Variants in ATP10B observed in about 807,000 individuals in gnomAD.
ATP10B encodes the protein ATPase phospholipid transporting 10B (putative).
A neutral mutation model predicts 141.2 loss-of-function variants in ATP10B; 122 were observed. The ratio of observed to expected loss-of-function variants is 0.86; its 90% confidence interval spans 0.75 to 1.00. The LOEUF (loss-of-function observed/expected upper bound fraction) is 1.00, where lower values mean the gene tolerates loss of function less well. Among genes scored for constraint, ATP10B ranks in the 50% least tolerant of loss-of-function variants. The pLI is 0.00. For missense variants in ATP10B, 1,876 were observed against 1,825.3 expected (o/e 1.03, Z -0.51); for synonymous variants, 685 against 692.0 (o/e 0.99, Z 0.16).
At position 160,620,807 on chromosome 5, in the gene ATP10B, C is replaced by G; in HGVS notation, c.1956G>C (p.Gly652=). ...CCGAGTCTGTGGTGGCCACGTTGGC[C>G]CCTAAGCTCTCCCCGAGGTCTGTGT... is the stretch of plus-strand genomic sequence containing the variant. ...PSDTDLGESL[G]ANVATTDSDE... is the part of the protein sequence containing the mutation. The change falls in exon 15 of 26, where the codon GGG becomes GGC. Residue 652 remains glycine, a synonymous_variant. Transcript: ENST00000327245. 6.2e-7 allele frequency: 1 copy of G among 1,614,136 alleles called. No individual in the cohort carries two copies. Among genetic ancestry groups the G allele is most frequent in the Non-Finnish European group, 8.5e-7 (1 of 1,180,022 alleles).
intron 1 of ATP10B, among the ~76,000 whole-genome samples, chr5:160,826,648 C>T (rs976083369): frequency 5.9e-5 from 9 of 152,152 alleles, no homozygotes; most frequent in African/African-American, 2.2e-4. Context: ...CCATATTTTT[C>T]TTCTTGCAGA....
intron 7 of ATP10B, among the ~76,000 whole-genome samples, chr5:160,652,839 T>A (rs1333618432): frequency 3.0e-5 from 3 of 98,906 alleles, no homozygotes; most frequent in African/African-American, 1.2e-4. Context: ...ATATAATATA[T>A]ATTATAAAAA....
At chr5:160,709,608 A>AT (rs34526186) in intron 3 of ATP10B, among the ~76,000 whole-genome samples, 83,917 of 143,032 alleles carry the variant, frequency 0.59, 25,820 homozygotes, top group Middle Eastern at 0.73. Context: ...TTTTTTTTTA[A>AT]TTTTTTTTTT....
intron 2 of ATP10B, among the ~76,000 whole-genome samples, chr5:160,773,730 TGAAA>T (rs1016456525): frequency 3.3e-5 from 5 of 152,114 alleles, no homozygotes; most frequent in African/African-American, 1.2e-4. Context: ...AAGTTCTGGG[TGAAA>T]GAGTTTTAGG....
chr5:160,894,014 C>T, the ATP10B span, among the ~76,000 whole-genome samples: 1 of 152,102 alleles, frequency 6.6e-6, no homozygotes, highest in Non-Finnish European at 1.5e-5. Flanking sequence ...ATAAAAAGGA[C>T]GTCCACACAA....
chr5:160,660,529 G>A (rs1195671982), intron 7 of ATP10B, among the ~76,000 whole-genome samples: 1 of 152,176 alleles, frequency 6.6e-6, no homozygotes, highest in Non-Finnish European at 1.5e-5. Flanking sequence ...GTAAATGAGA[G>A]GAAAGACTCA....
At chr5:160,749,253 T>C (rs747383795) in intron 2 of ATP10B, among the ~76,000 whole-genome samples, 3 of 152,224 alleles carry the variant, frequency 2.0e-5, no homozygotes, top group Non-Finnish European at 2.9e-5. Flanking sequence ...AAGAAATGCC[T>C]GGGAGTGACA....
At chr5:160,600,351 A>G (rs186531806) in intron 21 of ATP10B, among the ~76,000 whole-genome samples, 75 of 152,288 alleles carry the variant, frequency 4.9e-4, no homozygotes, top group African/African-American at 1.8e-3. Flanking sequence ...AACTACCTCT[A>G]AACTTTCTCA....
In ATP10B at chr5:160,814,728, C is replaced by A. The variant is rs1032805791; in HGVS notation, c.-575-28925G>T. Among the ~76,000 whole-genome samples, 104 of 152,174 alleles carry A rather than the reference C, an allele frequency of 6.8e-4. 1 individual carries two copies. Among genetic ancestry groups the A allele is most frequent in the Non-Finnish European group, 1.3e-3 (91 of 68,004 alleles). On this transcript the variant is annotated intron_variant, in intron 1 of 25. Coordinates refer to ENST00000327245, the MANE Select transcript of ATP10B (RefSeq NM_025153.3). ...ATGAAGGAAAAAATGTTAAGGGCAG[C>A]CAGAGAGAAAGGTCAGGTTACCCAT...
At chr5:160,885,963 C>T in the ATP10B span, among the ~76,000 whole-genome samples, 1 of 152,148 alleles carries the variant, frequency 6.6e-6, no homozygotes, top group African/African-American at 2.4e-5. Context: ...CCACAGTAAC[C>T]ACTTTTTGAG....
chr5:160,703,916 A>G (rs1764821719), intron 3 of ATP10B, among the ~76,000 whole-genome samples: 1 of 152,252 alleles, frequency 6.6e-6, no homozygotes, highest in Non-Finnish European at 1.5e-5. Flanking sequence ...TGAAAACAAC[A>G]TTAATCTCCT....
intron 1 of ATP10B, among the ~76,000 whole-genome samples, chr5:160,817,187 C>G (rs202111749): frequency 1.3e-5 from 2 of 152,140 alleles, no homozygotes; most frequent in African/African-American, 4.8e-5. Context: ...AAAGGGTATA[C>G]AATTAGGAAA....
At chr5:160,692,463 A>G (rs1484621189) in intron 3 of ATP10B, among the ~76,000 whole-genome samples, 2 of 152,102 alleles carry the variant, frequency 1.3e-5, no homozygotes, top group Admixed American at 1.3e-4. Context: ...CTGCACTTTG[A>G]CCTACTTCCT....
At chr5:160,883,209 A>T in the ATP10B span, among the ~76,000 whole-genome samples, 4 of 152,210 alleles carry the variant, frequency 2.6e-5, no homozygotes, top group African/African-American at 9.6e-5. Flanking sequence ...ATATAAAGGC[A>T]ACAGAGAAAC....
intron 22 of ATP10B, among the ~76,000 whole-genome samples, chr5:160,596,583 G>C (rs1238366666): frequency 6.8e-6 from 1 of 147,660 alleles, no homozygotes; most frequent in Non-Finnish European, 1.5e-5. Flanking sequence ...TATTCAATTA[G>C]GAAAAGAGGA....
chr5:160,707,958 G>A (rs1344258836), intron 3 of ATP10B, among the ~76,000 whole-genome samples: 1 of 152,196 alleles, frequency 6.6e-6, no homozygotes, highest in Non-Finnish European at 1.5e-5. Flanking sequence ...TGGGGGTTGG[G>A]AGTTGCACAT....
the ATP10B span, among the ~76,000 whole-genome samples, chr5:160,900,681 A>C: frequency 1.1e-4 from 17 of 152,348 alleles, no homozygotes; most frequent in African/African-American, 3.6e-4. Flanking sequence ...GTTACACATA[A>C]AGAACACATT....
At chr5:160,802,448 G>C (rs1772438277) in intron 1 of ATP10B, among the ~76,000 whole-genome samples, 1 of 152,292 alleles carries the variant, frequency 6.6e-6, no homozygotes, top group South Asian at 2.1e-4. Flanking sequence ...GGCATTTTTG[G>C]TTGTCGCACC....
intron 7 of ATP10B, among the ~76,000 whole-genome samples, chr5:160,650,277 T>C (rs927212010): frequency 4.6e-5 from 7 of 151,988 alleles, no homozygotes; most frequent in African/African-American, 1.7e-4. Context: ...TATACATGTG[T>C]ATTTACACAT....
Sources: allele counts gnomAD v4.1 joint callset (sites outside exome capture counted in the v4.1 genomes callset), GRCh38; gene constraint gnomAD v4.1.1; transcripts MANE v1.5; gene names NCBI Gene and HGNC (gene_info 2026-07-23, HGNC 2026-07-21).